The following PTER variants were observed in gnomAD, a reference collection of about 807,000 sequenced individuals.
The protein encoded by PTER is phosphotriesterase related.
Under a neutral mutation model 29.6 loss-of-function variants are expected in PTER, and 38 were observed. The observed-to-expected ratio is 1.28, with a 90% CI of 0.99 to 1.68. PTER has a LOEUF of 1.68. Ranked by LOEUF, PTER falls within the 40% of genes most tolerant of loss-of-function variation. The pLI is 0.00. For missense variants in PTER, 482 were observed against 427.8 expected (o/e 1.13, Z -1.12); for synonymous variants, 172 against 154.5 (o/e 1.11, Z -0.84).
At chr10:16,501,997 T>C (rs1471540576) in intron 3 of PTER, among the ~76,000 whole-genome samples, 2 of 152,254 alleles carry the variant, frequency 1.3e-5, no homozygotes, top group Non-Finnish European at 2.9e-5. Context: ...TTACTTTTTA[T>C]TTTCAATTGG....
At chr10:16,452,807 C>T (rs1020787537) in intron 1 of PTER, among the ~76,000 whole-genome samples, 3 of 152,034 alleles carry the variant, frequency 2.0e-5, no homozygotes, top group African/African-American at 7.2e-5. Context: ...GGCTGGAGTG[C>T]AGTGGCATGA....
downstream of PTER, among the ~76,000 whole-genome samples, chr10:16,516,084 G>A (rs866676499): frequency 6.6e-6 from 1 of 152,154 alleles, no homozygotes; most frequent in Non-Finnish European, 1.5e-5. Context: ...AACTTGTAAA[G>A]TCATTTGAGT....
intron 1 of PTER, among the ~76,000 whole-genome samples, chr10:16,483,571 C>T (rs1835563826): frequency 6.6e-6 from 1 of 152,022 alleles, no homozygotes; most frequent in Non-Finnish European, 1.5e-5. Flanking sequence ...GTTGTGGCCA[C>T]GAGTGATGGT....
chr10:16,459,967 C>A (rs531057247), intron 1 of PTER, among the ~76,000 whole-genome samples: 1 of 152,074 alleles, frequency 6.6e-6, no homozygotes, highest in African/African-American at 2.4e-5. Context: ...AGGCTGATCT[C>A]GAACTCCCGA....
chr10:16,471,100 A>G (rs1835035463), intron 1 of PTER, among the ~76,000 whole-genome samples: 1 of 152,250 alleles, frequency 6.6e-6, no homozygotes, highest in African/African-American at 2.4e-5. Flanking sequence ...AGTCAAAATC[A>G]GTCGGCGATG....
intron 4 of PTER, among the ~76,000 whole-genome samples, chr10:16,505,461 C>T (rs1322390822): frequency 6.6e-6 from 1 of 152,178 alleles, no homozygotes; most frequent in Non-Finnish European, 1.5e-5. Context: ...GAACAAAAGA[C>T]ATTTTCCTCT....
chr10:16,495,656 G>A (rs572450876), intron 3 of PTER, among the ~76,000 whole-genome samples: 1 of 152,296 alleles, frequency 6.6e-6, no homozygotes, highest in Non-Finnish European at 1.5e-5. Context: ...AAATTCAGAT[G>A]TCAGGGCCTG....
intron 1 of PTER, among the ~76,000 whole-genome samples, chr10:16,438,728 G>C (rs1190723215): frequency 6.6e-6 from 1 of 151,332 alleles, no homozygotes; most frequent in Non-Finnish European, 1.5e-5. Flanking sequence ...AGGAGTTCGA[G>C]ACCAGCCTGG....
At chr10:16,442,554 G>A (rs1462193805) in intron 1 of PTER, among the ~76,000 whole-genome samples, 1 of 152,192 alleles carries the variant, frequency 6.6e-6, no homozygotes, top group Non-Finnish European at 1.5e-5. Flanking sequence ...AGGATTGCTT[G>A]AGCTCAGGAG....
rs753565254 is a variant in PTER at position 16,505,021 on chromosome 10, A to G, written c.700A>G (p.Thr234Ala). The G allele has an allele frequency of 3.7e-6, 6 of 1,613,890 alleles. No individual in the cohort carries two copies. The South Asian group carries it at 6.6e-5, about 18-fold the overall frequency. ...SKTVMSHLDR[T>A]ILDKKELLEF... ...GTTCATCTGTCGCATTGTTTCTAGG[A>G]CTATTCTTGATAAGAAAGAGCTCTT... The change falls in exon 4 of 5, where the codon ACT becomes GCT. Residue 234 changes from threonine (T) to alanine (A), a missense_variant and splice_region_variant. Coordinates refer to ENST00000535784, the MANE Select transcript of PTER (RefSeq NM_001261836.2).
In PTER at chr10:16,495,515, A is replaced by C. The variant is rs574359947; in HGVS notation, c.698+8898A>C. Among the ~76,000 whole-genome samples the C allele has an allele frequency of 1.1e-4, 17 of 152,300 alleles. 1 individual carries two copies. The South Asian group carries it at 3.5e-3, about 32-fold the overall frequency. On this transcript the variant is annotated intron_variant, in intron 3 of 4. Coordinates refer to ENST00000535784, the MANE Select transcript of PTER (RefSeq NM_001261836.2). ...ACAATTTTTAATGATCAGTCACTGAAATTCAACAATTTTTTCAATAAATCA... is the reference window on the plus strand; with the variant it reads ...ACAATTTTTAATGATCAGTCACTGACATTCAACAATTTTTTCAATAAATCA...
At chr10:16,458,564 C>T (rs1013426050) in intron 1 of PTER, among the ~76,000 whole-genome samples, 1 of 152,132 alleles carries the variant, frequency 6.6e-6, no homozygotes, top group Admixed American at 6.6e-5. Flanking sequence ...GTCATATTTC[C>T]GTTAAATTGT....
At position 16,505,431 on chromosome 10, in the gene PTER, C is replaced by T. The variant is rs548277465; in HGVS notation, c.839+271C>T. Among the ~76,000 whole-genome samples, 4 of 152,274 alleles carry T rather than the reference C, an allele frequency of 2.6e-5. No homozygotes were observed. In the Middle Eastern group the frequency reaches 0.014, roughly 518 times the overall value. ...GACAGGAAACACAGATAATACCCAA[C>T]CCCTGCCATGAAAATCAGAGAACAA... On this transcript the variant is annotated intron_variant, in intron 4 of 4. Transcript: ENST00000535784.
chr10:16,489,700 G>A (rs1835829528), intron 3 of PTER, among the ~76,000 whole-genome samples: 1 of 152,110 alleles, frequency 6.6e-6, no homozygotes, highest in South Asian at 2.1e-4. Context: ...GTACAGTTCA[G>A]TAATGTTGAG....
intron 1 of PTER, among the ~76,000 whole-genome samples, chr10:16,457,314 G>A (rs1014019359): frequency 9.9e-5 from 15 of 152,040 alleles, no homozygotes; most frequent in Admixed American, 4.6e-4. Flanking sequence ...CCGGGTTCAC[G>A]CCATTCTCCT....
chr10:16,481,608 C>T (rs903636842), intron 1 of PTER, among the ~76,000 whole-genome samples: 7 of 152,128 alleles, frequency 4.6e-5, no homozygotes, highest in Non-Finnish European at 1.5e-5. Flanking sequence ...TGCCTGAGAG[C>T]ATTAGAGGAA....
chr10:16,447,162 G>A (rs1834045354), intron 1 of PTER, among the ~76,000 whole-genome samples: 1 of 142,796 alleles, frequency 7.0e-6, no homozygotes, highest in East Asian at 2.1e-4. Context: ...GTGCAGTGGT[G>A]CCATCATAGC....
intron 3 of PTER, among the ~76,000 whole-genome samples, chr10:16,488,729 A>G (rs766596008): frequency 6.6e-6 from 1 of 151,966 alleles, no homozygotes; most frequent in East Asian, 1.9e-4. Flanking sequence ...TCAGCCTCCC[A>G]AGAAGCTGGG....
At chr10:16,479,164 C>T (rs1249994262) in intron 1 of PTER, among the ~76,000 whole-genome samples, 1 of 151,988 alleles carries the variant, frequency 6.6e-6, no homozygotes, top group Non-Finnish European at 1.5e-5. Context: ...TGTCTCTGAG[C>T]AGTTTTGCTT....
Sources: gnomAD v4.1 joint callset for allele counts (sites outside exome capture counted in the v4.1 genomes callset) on GRCh38, gnomAD v4.1.1 for gene constraint, MANE v1.5 for transcripts, NCBI Gene and HGNC (gene_info 2026-07-23, HGNC 2026-07-21) for gene names.